The following FAM117A variants were observed in gnomAD, a reference collection of about 807,000 sequenced individuals.
FAM117A encodes the protein protein FAM117A.
Under a neutral mutation model 44.1 loss-of-function variants are expected in FAM117A, and 21 were observed. The observed-to-expected ratio is 0.48, with a 90% CI of 0.34 to 0.69. The LOEUF (loss-of-function observed/expected upper bound fraction) is 0.69. Among genes scored for constraint, FAM117A ranks in the 30% least tolerant of loss-of-function variants. The pLI is 0.01. For missense variants in FAM117A, 498 were observed against 589.9 expected (o/e 0.84, Z 1.61); for synonymous variants, 220 against 238.3 (o/e 0.92, Z 0.71).
intron 1 of FAM117A, among the ~76,000 whole-genome samples, chr17:49,754,599 C>T (rs917909608): frequency 1.3e-5 from 2 of 151,854 alleles, no homozygotes; most frequent in Non-Finnish European, 2.9e-5. Context: ...CCACCGTGCC[C>T]GGCCAAGCAC....
chr17:49,712,955 C>T (rs2073485388), intron 7 of FAM117A, among the ~76,000 whole-genome samples: 1 of 152,212 alleles, frequency 6.6e-6, no homozygotes. Flanking sequence ...TAGCTCACTG[C>T]AGCCTCAAAC....
rs530872765 is a variant in FAM117A, at chr17:49,732,502, C to T, written c.366+49G>A. ...AGACCAAAGGCCTCCTCAGCCAGCT[C>T]TCCCGCCCCATCCTTATCCCTTATC... On this transcript the variant is annotated intron_variant, in intron 2 of 7. Coordinates refer to ENST00000240364, the MANE Select transcript of FAM117A (RefSeq NM_030802.4). 5.6e-6 allele frequency: 9 copies of T among 1,593,712 alleles called. No homozygotes were observed. The South Asian group carries it at 7.8e-5, about 14-fold the overall frequency.
At chr17:49,731,688 A>C (rs532281202) in intron 2 of FAM117A, among the ~76,000 whole-genome samples, 1 of 152,346 alleles carries the variant, frequency 6.6e-6, no homozygotes, top group South Asian at 2.1e-4. Context: ...AGTGGGATCT[A>C]TTCTGGCTCA....
intron 1 of FAM117A, among the ~76,000 whole-genome samples, chr17:49,759,622 A>G (rs555689522): frequency 6.6e-6 from 1 of 152,348 alleles, no homozygotes; most frequent in South Asian, 2.1e-4. Flanking sequence ...ACCAGTAGCC[A>G]CACGGACCAG....
chr17:49,754,963 G>C (rs760617682), intron 1 of FAM117A, among the ~76,000 whole-genome samples: 1 of 150,888 alleles, frequency 6.6e-6, no homozygotes, highest in African/African-American at 2.4e-5. Context: ...GCTTGAACCC[G>C]GGAGGTGGAG....
chr17:49,715,049 A>G (rs2073495896), intron 7 of FAM117A, among the ~76,000 whole-genome samples: 3 of 152,182 alleles, frequency 2.0e-5, no homozygotes, highest in Non-Finnish European at 4.4e-5. Flanking sequence ...AAGATGAGCT[A>G]CAGCTTAATT....
At chr17:49,753,657 A>G (rs560141403) in intron 1 of FAM117A, among the ~76,000 whole-genome samples, 1 of 152,204 alleles carries the variant, frequency 6.6e-6, no homozygotes, top group African/African-American at 2.4e-5. Flanking sequence ...TTCTATCACA[A>G]ATAAAAAAAT....
chr17:49,786,811 C>G (rs1402453328), intron 1 of FAM117A, among the ~76,000 whole-genome samples: 1 of 149,954 alleles, frequency 6.7e-6, no homozygotes, highest in Non-Finnish European at 1.5e-5. Flanking sequence ...GCTGGTATGG[C>G]TGGGAGTGGT....
chr17:49,721,571 G>C (rs140494466), intron 3 of FAM117A, among the ~76,000 whole-genome samples: 25 of 152,278 alleles, frequency 1.6e-4, no homozygotes, highest in Non-Finnish European at 3.2e-4. Flanking sequence ...CAGCAATAGA[G>C]GGCAGAAGCA....
chr17:49,789,015 G>C (rs1478116613), upstream of FAM117A: 1 of 539,350 alleles, frequency 1.9e-6, no homozygotes, highest in Non-Finnish European at 3.1e-6. Context: ...ATGTGGGCCC[G>C]ACCCTGGCCT....
chr17:49,732,982 A>C, intron 1 of FAM117A: 1 of 433,886 alleles, frequency 2.3e-6, no homozygotes, highest in Non-Finnish European at 4.3e-6. Context: ...AATGTCCTCT[A>C]TCCTTTTCCT....
intron 1 of FAM117A, among the ~76,000 whole-genome samples, chr17:49,758,744 T>G (rs1045471881): frequency 6.6e-6 from 1 of 152,072 alleles, no homozygotes; most frequent in African/African-American, 2.4e-5. Context: ...GTCAGAACAC[T>G]TGAGCTAGAG....
intron 1 of FAM117A, among the ~76,000 whole-genome samples, chr17:49,737,379 G>A (rs185378442): frequency 4.1e-4 from 62 of 152,342 alleles, no homozygotes; most frequent in African/African-American, 1.4e-3. Context: ...CAGTGACGAG[G>A]CAGGGACTCT....
At chr17:49,769,565 T>G (rs1025127486) in intron 1 of FAM117A, among the ~76,000 whole-genome samples, 1 of 151,768 alleles carries the variant, frequency 6.6e-6, no homozygotes. Flanking sequence ...CCGGGCATGG[T>G]GGCGGGCGCC....
At chr17:49,720,458 G>T (rs768118160) in intron 3 of FAM117A, 22 bp from the exon 4 acceptor site, 1 of 1,600,862 alleles carries the variant, frequency 6.2e-7, no homozygotes, top group South Asian at 1.1e-5. Context: ...GAGAGAAGAC[G>T]ACAGAGGCAG....
intron 1 of FAM117A, among the ~76,000 whole-genome samples, chr17:49,786,550 G>A (rs1052080650): frequency 6.6e-6 from 1 of 152,022 alleles, no homozygotes; most frequent in Non-Finnish European, 1.5e-5. Context: ...GCTGAGGCGG[G>A]TGGATCACCT....
chr17:49,724,436 C>T (rs778747069), intron 2 of FAM117A: 4 of 456,144 alleles, frequency 8.8e-6, no homozygotes, highest in East Asian at 1.4e-4. Context: ...ACATTCAGGC[C>T]GCCACGGGTA....
chr17:49,756,856 T>A (rs2073700751), intron 1 of FAM117A, among the ~76,000 whole-genome samples: 1 of 150,352 alleles, frequency 6.7e-6, no homozygotes, highest in African/African-American at 2.5e-5. Context: ...GGTGGAGGTT[T>A]CAGTGAGCTG....
intron 1 of FAM117A, among the ~76,000 whole-genome samples, chr17:49,779,524 T>C (rs2073783606): frequency 6.6e-6 from 1 of 152,212 alleles, no homozygotes; most frequent in Admixed American, 6.5e-5. Context: ...ATCTCAGCTC[T>C]GCATGACATT....
Sources: allele counts gnomAD v4.1 joint callset (sites outside exome capture counted in the v4.1 genomes callset), GRCh38; gene constraint gnomAD v4.1.1; transcripts MANE v1.5; gene names NCBI Gene and HGNC (gene_info 2026-07-23, HGNC 2026-07-21).